ADAMTS16: variants seen among roughly 807,000 people sequenced by gnomAD.
ADAMTS16 encodes the protein ADAM metallopeptidase with thrombospondin type 1 motif 16.
ADAMTS16 carries 94 observed loss-of-function variants against 145.8 expected under a neutral mutation model. The ratio of observed to expected loss-of-function variants is 0.64; its 90% CI spans 0.55 to 0.77. The LOEUF is 0.77. Among genes scored for constraint, ADAMTS16 ranks in the 30% least tolerant of loss-of-function variants. The pLI, the probability that ADAMTS16 is intolerant of heterozygous loss-of-function variation, is 0.00. For synonymous variants in ADAMTS16, 659 were observed against 604.3 expected (o/e 1.09, Z -1.33); for missense variants, 1,585 against 1,591.5 (o/e 1.00, Z 0.07).
intron 14 of ADAMTS16, among the ~76,000 whole-genome samples, chr5:5,238,441 C>T (rs1012482539): frequency 1.2e-4 from 19 of 152,096 alleles, no homozygotes; most frequent in Admixed American, 2.6e-4. Flanking sequence ...GCATTTCATA[C>T]GTCACCTTTT....
At chr5:5,190,387 A>G (rs1490042263) in intron 7 of ADAMTS16, among the ~76,000 whole-genome samples, 1 of 152,108 alleles carries the variant, frequency 6.6e-6, no homozygotes. Context: ...ATAAATACAT[A>G]TATATTTTTT....
intron 3 of ADAMTS16, among the ~76,000 whole-genome samples, chr5:5,171,733 T>G (rs992537258): frequency 6.6e-6 from 1 of 152,102 alleles, no homozygotes; most frequent in Non-Finnish European, 1.5e-5. Flanking sequence ...GTCGTTTCCT[T>G]TTTTTTGGTG....
intron 3 of ADAMTS16, among the ~76,000 whole-genome samples, chr5:5,179,383 GTGT>G (rs1212722610): frequency 6.6e-6 from 1 of 152,052 alleles, no homozygotes; most frequent in African/African-American, 2.4e-5. Context: ...ATATCAAAAA[GTGT>G]TGTTATTGGT....
At chr5:5,286,884 GA>G (rs374208932) in intron 18 of ADAMTS16, among the ~76,000 whole-genome samples, 63,059 of 115,768 alleles carry the variant, frequency 0.54, 25,672 homozygotes, top group Non-Finnish European at 0.65. Flanking sequence ...AAAAAAAAAA[GA>G]GTTTTTATAA....
chr5:5,252,051 G>T (rs1021056776), intron 17 of ADAMTS16, among the ~76,000 whole-genome samples: 1 of 152,124 alleles, frequency 6.6e-6, no homozygotes, highest in South Asian at 2.1e-4. Flanking sequence ...GGGTTTCACC[G>T]TGTTAGCCAG....
At chr5:5,201,471 C>T (rs1264194110) in intron 9 of ADAMTS16, among the ~76,000 whole-genome samples, 1 of 151,708 alleles carries the variant, frequency 6.6e-6, no homozygotes, top group Non-Finnish European at 1.5e-5. Flanking sequence ...TGAAATTTGA[C>T]AAGAAGAATT....
chr5:5,275,640 T>C (rs1444179412), intron 18 of ADAMTS16, among the ~76,000 whole-genome samples: 1 of 152,206 alleles, frequency 6.6e-6, no homozygotes, highest in Non-Finnish European at 1.5e-5. Context: ...ATTGTTCTTT[T>C]GTTATTAAGT....
At chr5:5,305,561 C>CA (rs1491301986) in intron 20 of ADAMTS16, among the ~76,000 whole-genome samples, 2 of 60,194 alleles carry the variant, frequency 3.3e-5, no homozygotes, top group Non-Finnish European at 8.1e-5. Context: ...CACACACACA[C>CA]GTCAGAGCTT....
At chr5:5,143,911 G>C (rs1346640849) in intron 2 of ADAMTS16, among the ~76,000 whole-genome samples, 1 of 152,100 alleles carries the variant, frequency 6.6e-6, no homozygotes, top group Non-Finnish European at 1.5e-5. Context: ...GTTCTCACTC[G>C]TAAGTGGGAG....
At chr5:5,174,130 G>T (rs1735124425) in intron 3 of ADAMTS16, among the ~76,000 whole-genome samples, 2 of 152,126 alleles carry the variant, frequency 1.3e-5, no homozygotes, top group South Asian at 4.1e-4. Context: ...TTGGATGACA[G>T]GTCTGGTGTT....
At chr5:5,273,629 C>A (rs1382799503) in intron 18 of ADAMTS16, among the ~76,000 whole-genome samples, 1 of 152,240 alleles carries the variant, frequency 6.6e-6, no homozygotes, top group East Asian at 1.9e-4. Context: ...TGTCTGATCA[C>A]CTCAATGTGC....
At chr5:5,177,666 G>A (rs1306549225) in intron 3 of ADAMTS16, among the ~76,000 whole-genome samples, 1 of 152,100 alleles carries the variant, frequency 6.6e-6, no homozygotes, top group African/African-American at 2.4e-5. Context: ...ATTAAAGTTT[G>A]ATAAAAGTTG....
intron 3 of ADAMTS16, among the ~76,000 whole-genome samples, chr5:5,170,463 T>C (rs1735014760): frequency 6.6e-6 from 1 of 152,070 alleles, no homozygotes; most frequent in East Asian, 1.9e-4. Flanking sequence ...GTGGAAACCT[T>C]CTCCTCCTGG....
rs1430871603 is a variant in ADAMTS16 at position 5,182,279 on chromosome 5, A to T, written c.737A>T (p.Gln246Leu). 6.2e-7 allele frequency: 1 copy of T among 1,613,148 alleles called. No homozygotes were observed. Among genetic ancestry groups the T allele is most frequent in the Admixed American group, 1.7e-5 (1 of 59,934 alleles). Reference sequence around the variant, plus strand: ...CTTCGCCTGGGACTGCCACAAAAGCAGCATTTCTGTGGAAGACGCAAGAAA... The same window carrying T: ...CTTCGCCTGGGACTGCCACAAAAGCTGCATTTCTGTGGAAGACGCAAGAAA... Reference protein sequence around the residue: ...SDLRLGLPQKQHFCGRRKKYM... With the variant: ...SDLRLGLPQKLHFCGRRKKYM... The change falls in exon 4 of 23, where the codon CAG (glutamine) becomes CTG (leucine). Residue 246 changes from glutamine to leucine, a missense_variant. Gln to Leu is a moderately radical substitution (Grantham distance 113, BLOSUM62 -2). This residue lies in a region of ADAMTS16 where 453 missense variants were observed against 412.1 expected (regional missense o/e 1.10). Transcript: ENST00000274181.
chr5:5,150,501 G>A (rs1341890359), intron 3 of ADAMTS16, among the ~76,000 whole-genome samples: 1 of 152,150 alleles, frequency 6.6e-6, no homozygotes, highest in Non-Finnish European at 1.5e-5. Flanking sequence ...ACATGGCTGG[G>A]GCACCCAGAA....
chr5:5,261,523 T>C (rs1738027055), intron 17 of ADAMTS16, among the ~76,000 whole-genome samples: 1 of 146,056 alleles, frequency 6.8e-6, no homozygotes, highest in African/African-American at 2.5e-5. Context: ...AGTCTTGCTC[T>C]GCCACCAGGC....
intron 12 of ADAMTS16, among the ~76,000 whole-genome samples, chr5:5,233,779 T>C (rs940971142): frequency 6.6e-6 from 1 of 152,222 alleles, no homozygotes; most frequent in Non-Finnish European, 1.5e-5. Flanking sequence ...TCTTCGCTAT[T>C]GTGAAGGTGC....
chr5:5,313,965 C>A (rs1740564168), intron 21 of ADAMTS16, among the ~76,000 whole-genome samples: 1 of 152,198 alleles, frequency 6.6e-6, no homozygotes, highest in African/African-American at 2.4e-5. Context: ...CAAGAACCGG[C>A]CTGCTGCTGG....
chr5:5,266,457 C>G (rs1296270025), intron 18 of ADAMTS16, among the ~76,000 whole-genome samples: 1 of 152,250 alleles, frequency 6.6e-6, no homozygotes, highest in African/African-American at 2.4e-5. Flanking sequence ...AAGTCCTTTC[C>G]CTAGGACGGG....
Sources: allele counts gnomAD v4.1 joint callset (sites outside exome capture counted in the v4.1 genomes callset), GRCh38; gene constraint gnomAD v4.1.1; regional missense constraint gnomAD v4.1.1; transcripts MANE v1.5; gene names NCBI Gene and HGNC (gene_info 2026-07-23, HGNC 2026-07-21).